The following HDAC9 variants were observed in gnomAD, a reference collection of about 807,000 sequenced individuals.
HDAC9 encodes MEF-2 interacting transcription repressor (MITR) protein.
HDAC9 carries 41 observed loss-of-function variants against 139.4 expected under a neutral mutation model. The observed-to-expected ratio is 0.29, with a 90% confidence interval of 0.23 to 0.38. The LOEUF (loss-of-function observed/expected upper bound fraction) is 0.38, where lower values mean the gene tolerates loss of function less well. Among genes scored for constraint, HDAC9 ranks in the 10% least tolerant of loss-of-function variants. The pLI is 1.00. For missense variants in HDAC9, 1,147 were observed against 1,297.0 expected, an observed-to-expected ratio of 0.88 and a Z score of 1.78; for synonymous variants, 517 against 476.2, an observed-to-expected ratio of 1.09 and a Z score of -1.12.
chr7:18,370,106 A>G (rs1381894391), intron 1 of HDAC9, among the ~76,000 whole-genome samples: 1 of 152,152 alleles, frequency 6.6e-6, no homozygotes, highest in South Asian at 2.1e-4. Context: ...TTTTAAATGA[A>G]TGGAGCGCAG....
At chr7:18,934,859 G>A (rs1037706781) in intron 22 of HDAC9, among the ~76,000 whole-genome samples, 6 of 152,076 alleles carry the variant, frequency 3.9e-5, no homozygotes, top group Admixed American at 1.3e-4. Context: ...TCATGGCGAC[G>A]TTATTTGTAA....
intron 1 of HDAC9, among the ~76,000 whole-genome samples, chr7:18,124,715 A>G (rs1052599350): frequency 1.3e-5 from 2 of 152,076 alleles, no homozygotes; most frequent in African/African-American, 4.8e-5. Context: ...TAAGAATCCA[A>G]GAGATTGATC....
At chr7:18,400,618 A>C (rs779355714) in intron 1 of HDAC9, among the ~76,000 whole-genome samples, 14 of 152,232 alleles carry the variant, frequency 9.2e-5, no homozygotes, top group Non-Finnish European at 2.1e-4. Flanking sequence ...ATGGGAGCAG[A>C]TGCTGAAAAG....
chr7:18,859,316 G>A (rs1279665911), intron 21 of HDAC9, among the ~76,000 whole-genome samples: 2 of 151,868 alleles, frequency 1.3e-5, no homozygotes, highest in Non-Finnish European at 2.9e-5. Context: ...TTTTAGTTTT[G>A]GAATTAATCC....
intron 22 of HDAC9, among the ~76,000 whole-genome samples, chr7:18,881,572 A>G (rs1213532578): frequency 1.3e-5 from 2 of 151,926 alleles, no homozygotes; most frequent in Non-Finnish European, 2.9e-5. Context: ...ATGACTCTAT[A>G]CCTATCTTAA....
intron 2 of HDAC9, among the ~76,000 whole-genome samples, chr7:18,193,547 A>G (rs117883205): frequency 6.6e-6 from 1 of 152,176 alleles, no homozygotes; most frequent in East Asian, 1.9e-4. Context: ...ACAATATGCT[A>G]CTTGGAAATC....
intron 1 of HDAC9, among the ~76,000 whole-genome samples, chr7:18,422,425 A>G (rs1459478837): frequency 6.6e-6 from 1 of 152,234 alleles, no homozygotes; most frequent in Non-Finnish European, 1.5e-5. Flanking sequence ...TGGAGAATGC[A>G]TATGCCAATT....
At chr7:18,791,828 T>C (rs1160477410) in intron 16 of HDAC9, among the ~76,000 whole-genome samples, 1 of 152,232 alleles carries the variant, frequency 6.6e-6, no homozygotes, top group Non-Finnish European at 1.5e-5. Context: ...GAAATGGTAG[T>C]AGCTAGCTTT....
At chr7:18,717,579 G>A (rs576055104) in intron 12 of HDAC9, among the ~76,000 whole-genome samples, 2 of 152,068 alleles carry the variant, frequency 1.3e-5, no homozygotes, top group African/African-American at 2.4e-5. Flanking sequence ...TTACAGGCAT[G>A]TGCCATCATG....
At chr7:18,970,315 ATAAAG>A (rs1454647739) in intron 24 of HDAC9, among the ~76,000 whole-genome samples, 17 of 151,970 alleles carry the variant, frequency 1.1e-4, no homozygotes, top group African/African-American at 4.1e-4. Flanking sequence ...GATAATCAAT[ATAAAG>A]AAGAAGCTGG....
chr7:18,341,243 C>A (rs1781986058), intron 1 of HDAC9, among the ~76,000 whole-genome samples: 1 of 149,762 alleles, frequency 6.7e-6, no homozygotes, highest in African/African-American at 2.5e-5. Context: ...TTTGTGTGTG[C>A]ACACACACAT....
chr7:18,375,734 G>T (rs745769485), intron 1 of HDAC9, among the ~76,000 whole-genome samples: 1 of 152,126 alleles, frequency 6.6e-6, no homozygotes, highest in Non-Finnish European at 1.5e-5. Flanking sequence ...TGCCCCTAGG[G>T]CTCTGAGGTT....
intron 1 of HDAC9, among the ~76,000 whole-genome samples, chr7:18,116,879 T>TA (rs1474459517): frequency 6.6e-6 from 1 of 152,198 alleles, no homozygotes; most frequent in African/African-American, 2.4e-5. Context: ...CTAAATTTGA[T>TA]ACAGTGAGTG....
chr7:18,765,911 C>G (rs1375684385), intron 15 of HDAC9, among the ~76,000 whole-genome samples: 1 of 152,060 alleles, frequency 6.6e-6, no homozygotes, highest in African/African-American at 2.4e-5. Context: ...GAAGATCTCT[C>G]TTTATAACTA....
chr7:18,835,581 A>G lies in HDAC9; in HGVS notation c.2581A>G (p.Asn861Asp), dbSNP rs375563957. Residue 861 changes from asparagine (N) to aspartate (D), a missense_variant, in exon 20 of 26, where the codon AAT becomes GAT. Transcript: ENST00000686413. ...CTTTTTCCCTGGCAGTGGAGCCCCA[A>G]ATGAGGTTCGGTTTATTTCTTTAGA... Reference protein sequence around the residue: ...GNFFPGSGAPNEVGTGLGEGY... With the variant: ...GNFFPGSGAPDEVGTGLGEGY... 1.2e-5 allele frequency: 20 copies of G among 1,613,566 alleles called. No homozygotes were observed. In the South Asian group the frequency reaches 1.3e-4, roughly 11 times the overall value.
At chr7:18,244,331 T>C (rs1203254560) in intron 2 of HDAC9, among the ~76,000 whole-genome samples, 3 of 152,182 alleles carry the variant, frequency 2.0e-5, no homozygotes, top group Non-Finnish European at 4.4e-5. Flanking sequence ...TGAAGTGGTA[T>C]TTTCTAGAAA....
At chr7:18,570,079 G>T (rs1477866608) in intron 2 of HDAC9, among the ~76,000 whole-genome samples, 2 of 152,248 alleles carry the variant, frequency 1.3e-5, no homozygotes, top group East Asian at 3.9e-4. Context: ...ATGGGATTTA[G>T]TTAATCAAGT....
At chr7:18,317,018 C>T (rs1441722279) in intron 1 of HDAC9, among the ~76,000 whole-genome samples, 5 of 151,008 alleles carry the variant, frequency 3.3e-5, no homozygotes, top group Non-Finnish European at 5.9e-5. Flanking sequence ...GGCGTGAACC[C>T]GGGAGGCAGA....
intron 1 of HDAC9, among the ~76,000 whole-genome samples, chr7:18,338,040 A>C (rs1424053287): frequency 1.3e-5 from 2 of 151,716 alleles, no homozygotes; most frequent in Admixed American, 6.6e-5. Flanking sequence ...AGGCATTACT[A>C]TTTTTCACTA....
Sources: allele counts gnomAD v4.1 joint callset (sites outside exome capture counted in the v4.1 genomes callset), GRCh38; gene constraint gnomAD v4.1.1; transcripts MANE v1.5; gene names NCBI Gene and HGNC (gene_info 2026-07-23, HGNC 2026-07-21).